FAM20A: variants seen among roughly 807,000 people sequenced by gnomAD.
FAM20A encodes FAM20A golgi associated secretory pathway pseudokinase.
FAM20A carries 42 observed loss-of-function variants against 52.0 expected under a neutral mutation model. The ratio of observed to expected loss-of-function variants is 0.81; its 90% CI spans 0.63 to 1.04. The LOEUF (loss-of-function observed/expected upper bound fraction) is 1.04, where lower values mean the gene tolerates loss of function less well. Ranked by LOEUF, FAM20A falls within the 50% of genes least tolerant of loss-of-function variation. The pLI is 0.00. For synonymous variants in FAM20A, 304 were observed against 298.9 expected, an observed-to-expected ratio of 1.02 and a Z score of -0.18; for missense variants, 742 against 712.7, an observed-to-expected ratio of 1.04 and a Z score of -0.47.
chr17:68,549,872 A>G (rs761219677), intron 4 of FAM20A, among the ~76,000 whole-genome samples: 1 of 152,208 alleles, frequency 6.6e-6, no homozygotes, highest in Non-Finnish European at 1.5e-5. Flanking sequence ...AACACAATGT[A>G]TTTATTTACA....
chr17:68,569,791 C>A (rs1043802194), intron 1 of FAM20A, among the ~76,000 whole-genome samples: 1 of 152,184 alleles, frequency 6.6e-6, no homozygotes, highest in South Asian at 2.1e-4. Context: ...ACAGCCATAT[C>A]CTTGGCCTGG....
chr17:68,552,018 C>T, intron 3 of FAM20A, 67 bp from the exon 4 acceptor site: 2 of 1,001,958 alleles, frequency 2.0e-6, no homozygotes, highest in Non-Finnish European at 3.1e-6. Flanking sequence ...GACTCTGTTC[C>T]TTCAATAAGC....
At chr17:68,554,038 G>A (rs62087503) in intron 3 of FAM20A, among the ~76,000 whole-genome samples, 2,411 of 111,848 alleles carry the variant, frequency 0.022, 53 homozygotes, top group African/African-American at 0.038. Context: ...ATACACACAT[G>A]CATATATACA....
chr17:68,543,498 G>A (rs2086404909), intron 5 of FAM20A, 131 bp downstream of exon 5: 2 of 773,322 alleles, frequency 2.6e-6, no homozygotes, highest in East Asian at 2.5e-5. Context: ...ACACCACGAT[G>A]AGGCACGAAG....
intron 4 of FAM20A, among the ~76,000 whole-genome samples, chr17:68,544,671 A>T (rs2086466447): frequency 6.6e-6 from 1 of 152,216 alleles, no homozygotes; most frequent in Non-Finnish European, 1.5e-5. Context: ...GTGCTGCCAA[A>T]AGTAGAGATT....
intron 3 of FAM20A, among the ~76,000 whole-genome samples, chr17:68,554,125 CACAT>C (rs2086986061): frequency 1.5e-5 from 2 of 135,556 alleles, no homozygotes; most frequent in Non-Finnish European, 3.1e-5. Context: ...TGTATACACA[CACAT>C]ATATATATAT....
At chr17:68,597,776 C>G (rs565575013) in intron 1 of FAM20A, among the ~76,000 whole-genome samples, 1 of 152,098 alleles carries the variant, frequency 6.6e-6, no homozygotes, top group South Asian at 2.1e-4. Flanking sequence ...TTAGCAAGGT[C>G]CTTCATTGTT....
chr17:68,588,194 G>T (rs896616805), intron 1 of FAM20A, among the ~76,000 whole-genome samples: 1 of 152,040 alleles, frequency 6.6e-6, no homozygotes, highest in Admixed American at 6.6e-5. Context: ...AGATTAAAAA[G>T]ATAATAAATG....
intron 4 of FAM20A, 93 bp from the exon 5 acceptor site, chr17:68,543,814 C>G: frequency 8.8e-7 from 1 of 1,134,546 alleles, no homozygotes; most frequent in Non-Finnish European, 1.3e-6. Context: ...GAAAGGAAAA[C>G]GGGCTTTTAT....
At chr17:68,556,622 C>T (rs2087058614) in intron 1 of FAM20A, among the ~76,000 whole-genome samples, 1 of 151,950 alleles carries the variant, frequency 6.6e-6, no homozygotes, top group Non-Finnish European at 1.5e-5. Flanking sequence ...GGTACTCCTG[C>T]ATTAAGGACA....
intron 1 of FAM20A, among the ~76,000 whole-genome samples, chr17:68,564,112 C>T (rs966536871): frequency 2.2e-4 from 33 of 151,742 alleles, no homozygotes; most frequent in Non-Finnish European, 4.0e-4. Flanking sequence ...ATGCTAGTGT[C>T]GTTGCTATGA....
intron 1 of FAM20A, among the ~76,000 whole-genome samples, chr17:68,565,636 TG>T (rs1468237069): frequency 2.0e-5 from 3 of 152,046 alleles, no homozygotes; most frequent in South Asian, 2.1e-4. Context: ...TCAGGTGATC[TG>T]CCTGCCTCTG....
At chr17:68,589,273 AC>A (rs1202454034) in intron 1 of FAM20A, among the ~76,000 whole-genome samples, 1 of 152,232 alleles carries the variant, frequency 6.6e-6, no homozygotes, top group African/African-American at 2.4e-5. Flanking sequence ...GATCAGCGGA[AC>A]CAATGCAGTA....
In FAM20A at chr17:68,537,387, G is replaced by GT; in HGVS notation, c.*89dup. The stretch of plus-strand genomic sequence containing the variant: ...TTCCTAGCTGACTTGACTCCCAGCA[G>GT]TAACAGGTGGGAGTGAGGACGCAGG... On this transcript the variant is annotated 3_prime_UTR_variant, in exon 11 of 11. Transcript: ENST00000592554. The surrounding 1 kb of genome is among the most constrained non-coding windows in gnomAD (Gnocchi z 4.2). The GT allele has an allele frequency of 6.5e-7, 1 of 1,548,558 alleles. No individual in the cohort carries two copies. Among genetic ancestry groups the GT allele is most frequent in the East Asian group, 2.2e-5 (1 of 44,560 alleles).
Position 68,542,079 on chromosome 17 carries a change from A to C in FAM20A, c.1015T>G (p.Ser339Ala). ...AGGGACGGCAGGAAGGCAGAGAGGG[A>C]ACCCTCCAGCAGGTGTGGGTTGCCA... Reference protein sequence around the residue: ...VCGNPHLLEGSLSAFLPSLNL... With the variant: ...VCGNPHLLEGALSAFLPSLNL... Residue 339 changes from serine (S) to alanine (A), a missense_variant, in exon 7 of 11, where the codon TCC (serine) becomes GCC (alanine). Coordinates refer to ENST00000592554, the MANE Select transcript of FAM20A (RefSeq NM_017565.4). 6.2e-7 allele frequency: 1 copy of C among 1,613,928 alleles called. No individual in the cohort carries two copies. Among genetic ancestry groups the C allele is most frequent in the Non-Finnish European group, 8.5e-7 (1 of 1,179,870 alleles).
rs1555819204 is a variant in FAM20A, at chr17:68,540,805, T to C, written c.1219+44A>G. On this transcript the variant is annotated intron_variant, in intron 8 of 10. Transcript: ENST00000592554. Reference sequence around the variant, plus strand: ...AAGGTCACGGGGAACCCTAGCCACATAGCAGAGCCCACTTCTGCTGGGGGC... The same window carrying C: ...AAGGTCACGGGGAACCCTAGCCACACAGCAGAGCCCACTTCTGCTGGGGGC... The C allele has an allele frequency of 3.9e-5, 61 of 1,560,840 alleles. No individual in the cohort carries two copies. The East Asian group carries it at 1.2e-3, about 32-fold the overall frequency.
Position 68,537,227 on chromosome 17 carries a change from C to T in FAM20A, c.*250G>A, listed in dbSNP as rs944107686. ...AGATTTCCCAGTGCACTCAGGAGAT[C>T]GTCGGTGGCCTTGATGAAGCCAGTG... On this transcript the variant is annotated 3_prime_UTR_variant, in exon 11 of 11. Transcript: ENST00000592554. This position sits in a 1 kb window ranked among gnomAD's most constrained non-coding sequence, Gnocchi z 4.2. 12 of 644,026 alleles carry T rather than the reference C, an allele frequency of 1.9e-5. No individual in the cohort carries two copies. The highest frequency in any genetic ancestry group is 7.5e-5 in the South Asian group (5 of 66,238). 39.9% of individuals were successfully genotyped at this position (644,026 alleles called of 1,614,324 possible). A position where few individuals can be genotyped will look rare whatever the true frequency, so the allele number is the denominator to read the frequency against.
intron 1 of FAM20A, among the ~76,000 whole-genome samples, chr17:68,581,354 C>CTTTCT (rs2087947075): frequency 1.2e-5 from 1 of 85,440 alleles, no homozygotes; most frequent in Non-Finnish European, 2.6e-5. Flanking sequence ...TGCAGTTTTT[C>CTTTCT]TTTCTTTCTT....
chr17:68,560,754 C>CA (rs2087191402), intron 1 of FAM20A, among the ~76,000 whole-genome samples: 1 of 152,128 alleles, frequency 6.6e-6, no homozygotes, highest in Non-Finnish European at 1.5e-5. Context: ...CTGATATTGC[C>CA]AAAGTACCCT....
Sources: allele counts gnomAD v4.1 joint callset (sites outside exome capture counted in the v4.1 genomes callset), GRCh38; gene constraint gnomAD v4.1.1; non-coding constraint Gnocchi (gnomAD v3.1); transcripts MANE v1.5; gene names NCBI Gene and HGNC (gene_info 2026-07-23, HGNC 2026-07-21).